RBFOX1: variants seen among roughly 807,000 people sequenced by gnomAD.
RBFOX1 encodes RNA binding protein fox-1 homolog 1.
RBFOX1 carries 8 observed loss-of-function variants against 57.7 expected under a neutral mutation model. The observed-to-expected ratio is 0.14, with a 90% CI of 0.08 to 0.25. The LOEUF is 0.25. Among genes scored for constraint, RBFOX1 ranks in the 10% least tolerant of loss-of-function variants. The pLI is 1.00. For synonymous variants in RBFOX1, 326 were observed against 222.4 expected (o/e 1.47, Z -4.15); for missense variants, 611 against 548.5 (o/e 1.11, Z -1.14).
intron 3 of RBFOX1, among the ~76,000 whole-genome samples, chr16:7,044,480 T>C (rs1440421020): frequency 6.6e-6 from 1 of 152,158 alleles, no homozygotes; most frequent in East Asian, 1.9e-4. Flanking sequence ...GGAAGATGAA[T>C]CCCTGCTATT....
chr16:5,903,526 GGAT>G (rs1469128296), intron 4 of RBFOX1, among the ~76,000 whole-genome samples: 7 of 152,156 alleles, frequency 4.6e-5, no homozygotes, highest in African/African-American at 1.7e-4. Context: ...AGAAGGAAGA[GGAT>G]GATAAGTGGA....
chr16:6,925,117 T>TTTTG (rs2075311666), intron 3 of RBFOX1, among the ~76,000 whole-genome samples: 1 of 30,776 alleles, frequency 3.2e-5, no homozygotes, highest in African/African-American at 1.5e-4. Context: ...TGGTTTTTTT[T>TTTTG]TTTTTTTTTT....
In RBFOX1 at chr16:6,019,125, G is replaced by A; in HGVS notation, c.-994G>A. The A allele has an allele frequency of 2.0e-6, 2 of 984,726 alleles. No individual in the cohort carries two copies. The highest frequency in any genetic ancestry group is 2.4e-6 in the Non-Finnish European group (2 of 829,856). The allele number at this position is 984,726 out of a possible 1,614,324, so 61.0% of individuals were successfully genotyped here. ...CACACACATGCACACATTTTCTCGCGCTCTCTCCGGCTCTCCTTTGTTTAT... is the reference window on the plus strand; with the variant it reads ...CACACACATGCACACATTTTCTCGCACTCTCTCCGGCTCTCCTTTGTTTAT... On this transcript the variant is annotated 5_prime_UTR_variant, in exon 1 of 16. Coordinates refer to ENST00000550418, the MANE Select transcript of RBFOX1 (RefSeq NM_018723.4). This position sits in a 1 kb window ranked among gnomAD's most constrained non-coding sequence, Gnocchi z 4.2.
intron 4 of RBFOX1, among the ~76,000 whole-genome samples, chr16:7,323,130 A>G (rs2096567250): frequency 6.6e-6 from 1 of 152,192 alleles, no homozygotes; most frequent in Admixed American, 6.5e-5. Flanking sequence ...TTGAGTTAAA[A>G]TGTCCAAGCT....
At chr16:6,265,864 A>AG (rs2074420227) in intron 1 of RBFOX1, among the ~76,000 whole-genome samples, 1 of 151,548 alleles carries the variant, frequency 6.6e-6, no homozygotes, top group Admixed American at 6.6e-5. Flanking sequence ...TCTCCTCCTC[A>AG]CTTCTTGTAC....
At chr16:6,556,284 G>C (rs1418411829) in intron 2 of RBFOX1, among the ~76,000 whole-genome samples, 2 of 152,106 alleles carry the variant, frequency 1.3e-5, no homozygotes, top group Admixed American at 6.5e-5. Context: ...GTCAGTCAGG[G>C]GGAGATTTTA....
At chr16:7,518,074 T>G in intron 4 of RBFOX1, 73 bp from the exon 5 acceptor site, 1 of 1,533,266 alleles carries the variant, frequency 6.5e-7, no homozygotes, top group Non-Finnish European at 8.8e-7. Context: ...CGTCCTGGGA[T>G]CTGGGAGGAA....
At position 6,899,155 on chromosome 16, in the gene RBFOX1, A is replaced by G. The variant is rs1350665112; in HGVS notation, c.-15-152902A>G. On this transcript the variant is annotated intron_variant, in intron 3 of 15. Coordinates refer to ENST00000550418, the MANE Select transcript of RBFOX1 (RefSeq NM_018723.4). ...TATATGTGTGTATGGACACACGTGTATGTAACATGTGTATGTGTGTGTATA... is the reference window on the plus strand; with the variant it reads ...TATATGTGTGTATGGACACACGTGTGTGTAACATGTGTATGTGTGTGTATA... Among the ~76,000 whole-genome samples, 6 of 148,882 alleles carry G rather than the reference A, an allele frequency of 4.0e-5. No individual in the cohort carries two copies. The East Asian group carries it at 7.9e-4, about 20-fold the overall frequency.
chr16:6,499,276 A>G (rs2095853406), intron 2 of RBFOX1, among the ~76,000 whole-genome samples: 1 of 152,196 alleles, frequency 6.6e-6, no homozygotes, highest in African/African-American at 2.4e-5. Context: ...CTGGAATTAG[A>G]AAAGCATAAA....
intron 2 of RBFOX1, among the ~76,000 whole-genome samples, chr16:6,388,303 G>A (rs946938033): frequency 6.6e-6 from 1 of 151,854 alleles, no homozygotes; most frequent in Admixed American, 6.6e-5. Context: ...TGAACTTGGG[G>A]GACGTAGGTC....
At chr16:6,972,119 A>C (rs1166550188) in intron 3 of RBFOX1, among the ~76,000 whole-genome samples, 1 of 152,172 alleles carries the variant, frequency 6.6e-6, no homozygotes, top group Non-Finnish European at 1.5e-5. Context: ...CACAACATCT[A>C]ACCATCTTAA....
At chr16:7,196,023 AT>A (rs1280870889) in intron 4 of RBFOX1, among the ~76,000 whole-genome samples, 3 of 152,068 alleles carry the variant, frequency 2.0e-5, no homozygotes, top group Non-Finnish European at 4.4e-5. Flanking sequence ...GAAAAAAAAA[AT>A]GTGAGTATCA....
intron 1 of RBFOX1, among the ~76,000 whole-genome samples, chr16:6,210,885 C>T (rs2097292277): frequency 1.3e-5 from 2 of 152,150 alleles, no homozygotes; most frequent in South Asian, 4.1e-4. Context: ...GTCAGCTCAG[C>T]TGATACCACT....
At chr16:6,220,871 A>G (rs2097368627) in intron 1 of RBFOX1, among the ~76,000 whole-genome samples, 1 of 152,172 alleles carries the variant, frequency 6.6e-6, no homozygotes, top group African/African-American at 2.4e-5. Flanking sequence ...TTTTTAAAAT[A>G]AACATTGTCC....
At chr16:7,416,841 T>G (rs1193387816) in intron 4 of RBFOX1, among the ~76,000 whole-genome samples, 1 of 152,162 alleles carries the variant, frequency 6.6e-6, no homozygotes, top group Admixed American at 6.5e-5. Flanking sequence ...GTTTGGTCTA[T>G]GCACGTAACA....
intron 1 of RBFOX1, among the ~76,000 whole-genome samples, chr16:6,192,892 AT>A (rs1470142865): frequency 6.6e-6 from 1 of 152,158 alleles, no homozygotes; most frequent in Non-Finnish European, 1.5e-5. Flanking sequence ...CAAAGCTAAT[AT>A]TTCATAACAG....
Position 7,312,026 on chromosome 16 carries a change from A to G in RBFOX1, c.28-206121A>G, listed in dbSNP as rs184104579. On this transcript the variant is annotated intron_variant, in intron 4 of 15. Transcript: ENST00000550418. ...CTTTGTGATATTAAGTAAGATGCAA[A>G]TGGGAACACTTAGCTCAGTGCCTGG... Among the ~76,000 whole-genome samples, 621 of 152,324 alleles carry G rather than the reference A, an allele frequency of 4.1e-3. 5 individuals carry two copies. Among genetic ancestry groups the G allele is most frequent in the African/African-American group, 0.014 (579 of 41,572 alleles).
At chr16:5,735,896 A>G (rs1409342342) in intron 3 of RBFOX1, among the ~76,000 whole-genome samples, 4 of 152,158 alleles carry the variant, frequency 2.6e-5, no homozygotes, top group African/African-American at 7.2e-5. Flanking sequence ...TAAAACAACA[A>G]CAACAACAAC....
intron 1 of RBFOX1, among the ~76,000 whole-genome samples, chr16:6,245,174 A>G (rs2097562276): frequency 6.6e-6 from 1 of 152,172 alleles, no homozygotes; most frequent in African/African-American, 2.4e-5. Context: ...TGAATGAATA[A>G]TGCACTTTTT....
Sources: gnomAD v4.1 joint callset for allele counts (sites outside exome capture counted in the v4.1 genomes callset) on GRCh38, gnomAD v4.1.1 for gene constraint, Gnocchi (gnomAD v3.1) non-coding constraint, MANE v1.5 for transcripts, NCBI Gene and HGNC (gene_info 2026-07-23, HGNC 2026-07-21) for gene names.